Variants in NCAPD3 observed in about 807,000 individuals in gnomAD.
NCAPD3 encodes the protein condensin-2 complex subunit D3.
NCAPD3 carries 105 observed loss-of-function variants against 182.9 expected under a neutral mutation model. The ratio of observed to expected loss-of-function variants is 0.57; its 90% CI spans 0.49 to 0.68. The LOEUF (loss-of-function observed/expected upper bound fraction) is 0.68. Ranked by LOEUF, NCAPD3 falls within the 30% of genes least tolerant of loss-of-function variation. The probability of loss-of-function intolerance (pLI) is 0.00; values close to 1 mark genes in which losing one functional copy is unlikely to be tolerated. For synonymous variants in NCAPD3, 815 were observed against 679.9 expected, an observed-to-expected ratio of 1.20 and a Z score of -3.09; for missense variants, 1,944 against 1,837.0, an observed-to-expected ratio of 1.06 and a Z score of -1.07.
intron 13 of NCAPD3, among the ~76,000 whole-genome samples, chr11:134,200,106 A>G (rs1438936964): frequency 6.6e-6 from 1 of 152,212 alleles, no homozygotes; most frequent in Non-Finnish European, 1.5e-5. Flanking sequence ...CTGAAAATTG[A>G]TCAAAGACCT....
intron 32 of NCAPD3, among the ~76,000 whole-genome samples, chr11:134,154,668 C>T (rs1246133549): frequency 6.6e-6 from 1 of 152,048 alleles, no homozygotes; most frequent in South Asian, 2.1e-4. Context: ...CACCAGCACA[C>T]TCCCGGGAAC....
Position 134,220,616 on chromosome 11 carries a change from C to T in NCAPD3, c.175G>A (p.Glu59Lys). The change falls in exon 2 of 35, where the codon GAA becomes AAA. Residue 59 changes from glutamate (E) to lysine (K), a missense_variant. Physicochemically the swap from Glu to Lys is moderately conservative, Grantham distance 56 (BLOSUM62 1). Around this residue, in one of 3 missense-constraint regions of NCAPD3, gnomAD observed 131 missense variants for 133.9 expected, o/e 0.98. Transcript: ENST00000534548. Reference protein sequence around the residue: ...TGLAAFTKLYESLLPFATGEH... With the variant: ...TGLAAFTKLYKSLLPFATGEH... ...CCAGTAGCAAAGGGTAAAAGGCTTTCATAGAGTTTTGTGAATGCAGCCAAT... is the reference window on the plus strand; with the variant it reads ...CCAGTAGCAAAGGGTAAAAGGCTTTTATAGAGTTTTGTGAATGCAGCCAAT... 1 of 1,614,110 alleles carries T rather than the reference C, an allele frequency of 6.2e-7. No homozygotes were observed. Among genetic ancestry groups the T allele is most frequent in the Non-Finnish European group, 8.5e-7 (1 of 1,179,972 alleles).
chr11:134,219,755 A>C lies in NCAPD3; in HGVS notation c.219+817T>G, dbSNP rs943624906. Among the ~76,000 whole-genome samples, 3 of 152,268 alleles carry C rather than the reference A, an allele frequency of 2.0e-5. No individual in the cohort carries two copies. In the South Asian group the frequency reaches 6.2e-4, roughly 32 times the overall value. On this transcript the variant is annotated intron_variant, in intron 2 of 34. Coordinates refer to ENST00000534548, the MANE Select transcript of NCAPD3 (RefSeq NM_015261.3). ...CAATATTTACAGGAACTGTTTGGAC[A>C]AACCTGTTAATTCAACTAGTCATTC...
rs1157854188 is a variant in NCAPD3 at position 134,222,487 on chromosome 11, ATAAT to A, written c.64+1372_64+1375del. ...AATATCCTGACTTGATCACTTACAC[ATAAT>A]TAGTCTCTCCTTCATCATTGGAAAT... On this transcript the variant is annotated intron_variant, in intron 1 of 34. Coordinates refer to ENST00000534548, the MANE Select transcript of NCAPD3 (RefSeq NM_015261.3). Among the ~76,000 whole-genome samples, 10 of 152,366 alleles carry A rather than the reference ATAAT, an allele frequency of 6.6e-5. No homozygotes were observed. The East Asian group carries it at 1.3e-3, about 21-fold the overall frequency.
At chr11:134,185,549 A>G in intron 16 of NCAPD3, 23 bp from the exon 17 acceptor site, 2 of 1,555,720 alleles carry the variant, frequency 1.3e-6, no homozygotes, top group South Asian at 1.2e-5. Context: ...AAGATAGAAA[A>G]GCAGAATTGC....
chr11:134,214,343 T>G (rs565739701), intron 3 of NCAPD3, among the ~76,000 whole-genome samples: 1 of 152,218 alleles, frequency 6.6e-6, no homozygotes, highest in South Asian at 2.1e-4. Flanking sequence ...CAAGAAAAAT[T>G]TGAAAATCAC....
chr11:134,215,237 A>G (rs1281094413), intron 3 of NCAPD3, among the ~76,000 whole-genome samples: 1 of 152,208 alleles, frequency 6.6e-6, no homozygotes, highest in Admixed American at 6.5e-5. Context: ...TAAAGGCAAG[A>G]CTGGATGCTT....
At position 134,184,824 on chromosome 11, in the gene NCAPD3, C is replaced by T. The variant is rs199658951; in HGVS notation, c.2336-72G>A. ...TCAGGTATATATACACACACACACACACACACACACACACACACACACACA... is the reference window on the plus strand; with the variant it reads ...TCAGGTATATATACACACACACACATACACACACACACACACACACACACA... On this transcript the variant is annotated intron_variant, in intron 18 of 34. Transcript: ENST00000534548. 37,093 of 1,227,012 alleles carry T rather than the reference C, an allele frequency of 0.03. 927 individuals carry two copies. The highest frequency in any genetic ancestry group is 0.25 in the East Asian group (10,416 of 42,138). 76.0% of individuals were successfully genotyped at this position (1,227,012 alleles called of 1,614,324 possible).
At chr11:134,153,637 G>A (rs997424935) in intron 32 of NCAPD3, 4 of 499,840 alleles carry the variant, frequency 8.0e-6, no homozygotes, top group Middle Eastern at 1.1e-3. Context: ...CTTCCCTCCC[G>A]CCGTCTTCCA....
At chr11:134,184,504 G>C (rs1339356660) in intron 19 of NCAPD3, 133 bp downstream of exon 19, 1 of 614,310 alleles carries the variant, frequency 1.6e-6, no homozygotes, top group Non-Finnish European at 2.8e-6. Context: ...TTGCCTTGTT[G>C]CGGCAATAGC....
At chr11:134,171,722 C>G (rs1944010122) in intron 24 of NCAPD3, among the ~76,000 whole-genome samples, 2 of 152,192 alleles carry the variant, frequency 1.3e-5, no homozygotes, top group East Asian at 3.8e-4. Context: ...TCCATGTACT[C>G]TGCACTCCAG....
chr11:134,194,859 C>A, intron 13 of NCAPD3, 121 bp from the exon 14 acceptor site: 2 of 574,950 alleles, frequency 3.5e-6, no homozygotes, highest in Non-Finnish European at 6.0e-6. Flanking sequence ...TGTTTTAAAT[C>A]CTAAGAAATG....
intron 7 of NCAPD3, among the ~76,000 whole-genome samples, chr11:134,208,130 C>T (rs1257001853): frequency 3.3e-5 from 5 of 152,154 alleles, no homozygotes; most frequent in African/African-American, 1.2e-4. Context: ...CACAGATGTG[C>T]GGAACCCCCC....
At chr11:134,223,342 G>A (rs1938310704) in intron 1 of NCAPD3, 1 of 689,122 alleles carries the variant, frequency 1.5e-6, no homozygotes, top group Admixed American at 2.0e-5. Context: ...GCAGGACAGT[G>A]GTAGTGGGCA....
chr11:134,170,906 G>A (rs1050627800), intron 24 of NCAPD3, among the ~76,000 whole-genome samples: 1 of 152,214 alleles, frequency 6.6e-6, no homozygotes, highest in African/African-American at 2.4e-5. Flanking sequence ...TTTATTAAGA[G>A]GGCAAGTTTC....
Position 134,158,507 on chromosome 11 carries a change from G to A in NCAPD3, c.3868-12C>T, listed in dbSNP as rs776768983. On this transcript the variant is annotated splice_polypyrimidine_tract_variant and intron_variant, in intron 29 of 34. Coordinates refer to ENST00000534548, the MANE Select transcript of NCAPD3 (RefSeq NM_015261.3). Reference sequence around the variant, plus strand: ...AAACACAGGGCAACCTGGTAGAGAAGATAAAGAGTATGTACATTCTAATAC... The same window carrying A: ...AAACACAGGGCAACCTGGTAGAGAAAATAAAGAGTATGTACATTCTAATAC... The A allele has an allele frequency of 8.1e-6, 13 of 1,611,026 alleles. No homozygotes were observed. Among genetic ancestry groups the A allele is most frequent in the Admixed American group, 6.7e-5 (4 of 60,002 alleles).
intron 27 of NCAPD3, among the ~76,000 whole-genome samples, chr11:134,164,574 G>A (rs1010948164): frequency 4.6e-5 from 7 of 152,194 alleles, no homozygotes; most frequent in Non-Finnish European, 1.0e-4. Flanking sequence ...TAGGGGAGCT[G>A]CACACTCACT....
In NCAPD3 at chr11:134,151,181, C is replaced by CT. The variant is rs1057375820; in HGVS notation, c.*1762dup. 1.3e-5 allele frequency: 2 copies of CT among 152,246 alleles called. No individual in the cohort carries two copies. Among genetic ancestry groups the CT allele is most frequent in the Admixed American group, 6.5e-5 (1 of 15,284 alleles). 9.4% of individuals were successfully genotyped at this position (152,246 alleles called of 1,614,324 possible). On this transcript the variant is annotated 3_prime_UTR_variant, in exon 35 of 35. Coordinates refer to ENST00000534548, the MANE Select transcript of NCAPD3 (RefSeq NM_015261.3). ...CTTCCAGTGTCTTGGGTTTTTTATACTTTGACAGCTTTTTTTTAATTGCAT... is the reference window on the plus strand; with the variant it reads ...CTTCCAGTGTCTTGGGTTTTTTATACTTTTGACAGCTTTTTTTTAATTGCAT...
chr11:134,153,245 A>G, intron 33 of NCAPD3, 44 bp downstream of exon 33: 3 of 1,613,794 alleles, frequency 1.9e-6, no homozygotes, highest in Non-Finnish European at 2.5e-6. Context: ...CCAGAACCTC[A>G]AAGGCAGTGC....
Sources: gnomAD v4.1 joint callset for allele counts (sites outside exome capture counted in the v4.1 genomes callset) on GRCh38, gnomAD v4.1.1 for gene constraint, gnomAD v4.1.1 regional missense constraint, MANE v1.5 for transcripts, NCBI Gene and HGNC (gene_info 2026-07-23, HGNC 2026-07-21) for gene names.